Variants in NXN observed in about 807,000 individuals in gnomAD.
The protein encoded by NXN is nucleoredoxin 1.
A neutral mutation model predicts 48.6 loss-of-function variants in NXN; 16 were observed. The ratio of observed to expected loss-of-function variants is 0.33; its 90% CI spans 0.22 to 0.50. The LOEUF is 0.50. Among genes scored for constraint, NXN ranks in the 20% least tolerant of loss-of-function variants. The pLI is 0.98. For synonymous variants in NXN, 281 were observed against 269.6 expected (o/e 1.04, Z -0.41); for missense variants, 492 against 605.5 (o/e 0.81, Z 1.97).
intron 1 of NXN, among the ~76,000 whole-genome samples, chr17:963,080 G>C (rs2069256355): frequency 6.6e-6 from 1 of 151,826 alleles, no homozygotes; most frequent in Non-Finnish European, 1.5e-5. Flanking sequence ...TATCAGACAG[G>C]CACACACTGA....
chr17:812,860 AGGTGTGTGTG>A (rs754646698), intron 5 of NXN, among the ~76,000 whole-genome samples: 27 of 120,266 alleles, frequency 2.2e-4, no homozygotes, highest in African/African-American at 5.5e-4. Flanking sequence ...GCATGTGTGT[AGGTGTGTGTG>A]GGTGTGTGCG....
intron 1 of NXN, among the ~76,000 whole-genome samples, chr17:863,485 G>T (rs940904454): frequency 3.3e-5 from 5 of 151,918 alleles, no homozygotes; most frequent in African/African-American, 1.2e-4. Flanking sequence ...TTTTGAGACA[G>T]GGTCTCGCTC....
intron 1 of NXN, among the ~76,000 whole-genome samples, chr17:895,713 G>A (rs553840548): frequency 1.3e-5 from 2 of 150,918 alleles, no homozygotes; most frequent in African/African-American, 4.9e-5. Context: ...AGCTACTCGG[G>A]AGGCTGAGGC....
intron 5 of NXN, among the ~76,000 whole-genome samples, chr17:809,313 C>T (rs964094627): frequency 2.0e-5 from 3 of 152,216 alleles, no homozygotes; most frequent in Non-Finnish European, 4.4e-5. Flanking sequence ...CCCCTTTCAC[C>T]GTCTCCCTCA....
At chr17:889,761 A>AAGAGAAAGAAAGAAAG (rs1555619043) in intron 1 of NXN, among the ~76,000 whole-genome samples, 7 of 70,826 alleles carry the variant, frequency 9.9e-5, no homozygotes, top group African/African-American at 4.5e-4. Context: ...GAAAGAAAGA[A>AAGAGAAAGAAAGAAAG]AAAGAAAGAA....
At chr17:858,001 G>A (rs1348366006) in intron 1 of NXN, among the ~76,000 whole-genome samples, 23 of 141,600 alleles carry the variant, frequency 1.6e-4, no homozygotes, top group Middle Eastern at 3.9e-3. Context: ...ATGGGGTCTC[G>A]CTCTGTCGCC....
intron 5 of NXN, among the ~76,000 whole-genome samples, chr17:816,057 G>A (rs905693746): frequency 6.6e-6 from 1 of 152,198 alleles, no homozygotes; most frequent in Non-Finnish European, 1.5e-5. Flanking sequence ...GCCATCAGGA[G>A]GGGCAGGACA....
intron 1 of NXN, among the ~76,000 whole-genome samples, chr17:966,791 G>A (rs934345150): frequency 2.8e-5 from 4 of 141,234 alleles, no homozygotes; most frequent in African/African-American, 1.1e-4. Context: ...GCATTCAGGT[G>A]GGGGGATGAC....
chr17:810,090 C>A (rs1353734877), intron 5 of NXN, among the ~76,000 whole-genome samples: 3 of 59,444 alleles, frequency 5.0e-5, no homozygotes, highest in Non-Finnish European at 6.7e-5. Flanking sequence ...GTTACGAGTC[C>A]GTGTGAGTGG....
Position 842,454 on chromosome 17 carries a change from CG to C in NXN, c.361-16377del, listed in dbSNP as rs987398516. 3.2e-6 allele frequency: 3 copies of C among 935,400 alleles called. No individual in the cohort carries two copies. The African/African-American group carries it at 5.4e-5, about 17-fold the overall frequency. 57.9% of individuals were successfully genotyped at this position (935,400 alleles called of 1,614,324 possible). On this transcript the variant is annotated intron_variant, in intron 1 of 7. Transcript: ENST00000336868. Reference sequence around the variant, plus strand: ...GTGGGCTGCAGTTCCGTGATCCCGGCGGGGAAGGCCACGTGGGTTACTGGGG... The same window carrying C: ...GTGGGCTGCAGTTCCGTGATCCCGGCGGGAAGGCCACGTGGGTTACTGGGG...
rs180731136 is a variant in NXN at position 907,203 on chromosome 17, C to T, written c.360+72116G>A. On this transcript the variant is annotated intron_variant, in intron 1 of 7. Coordinates refer to ENST00000336868, the MANE Select transcript of NXN (RefSeq NM_022463.5). ...AACAAAGATGGAGAAAAACATCCCT[C>T]CTTGCCCGACCCAACCTATCTTGTT... is the stretch of plus-strand genomic sequence containing the variant. Among the ~76,000 whole-genome samples the T allele has an allele frequency of 2.4e-3, 364 of 152,288 alleles. 1 individual carries two copies. Among genetic ancestry groups the T allele is most frequent in the Middle Eastern group, 6.8e-3 (2 of 294 alleles).
chr17:969,842 T>C (rs1318142982), intron 1 of NXN, among the ~76,000 whole-genome samples: 8 of 152,132 alleles, frequency 5.3e-5, no homozygotes. Flanking sequence ...GAGAAAGCCC[T>C]ATCCCTAGGA....
chr17:895,748 G>A (rs1427494662), intron 1 of NXN, among the ~76,000 whole-genome samples: 1 of 146,414 alleles, frequency 6.8e-6, no homozygotes, highest in African/African-American at 2.6e-5. Flanking sequence ...AACCTGAGAG[G>A]CGGAGCTTGC....
chr17:825,898 TA>T lies in NXN; in HGVS notation c.478+62del. The T allele has an allele frequency of 9.4e-7, 1 of 1,060,438 alleles. No homozygotes were observed. Among genetic ancestry groups the T allele is most frequent in the Non-Finnish European group, 1.4e-6 (1 of 698,602 alleles). 65.7% of individuals were successfully genotyped at this position (1,060,438 alleles called of 1,614,324 possible). On this transcript the variant is annotated intron_variant, in intron 2 of 7. Transcript: ENST00000336868. The surrounding 1 kb of genome is among the most constrained non-coding windows in gnomAD (Gnocchi z 4.1). Reference sequence around the variant, plus strand: ...TCCACCGGTGGGACGGAGATTAGCCTAAGGGCATGGAGGAGGGAGGGCTGGG... The same window carrying T: ...TCCACCGGTGGGACGGAGATTAGCCTAGGGCATGGAGGAGGGAGGGCTGGG...
intron 1 of NXN, among the ~76,000 whole-genome samples, chr17:971,032 C>T (rs771734629): frequency 2.0e-5 from 3 of 151,196 alleles, no homozygotes; most frequent in Non-Finnish European, 2.9e-5. Flanking sequence ...ATGCAACCTC[C>T]GCCTCCAGGG....
At chr17:821,789 A>T (rs1225090405) in intron 4 of NXN, among the ~76,000 whole-genome samples, 1 of 152,022 alleles carries the variant, frequency 6.6e-6, no homozygotes, top group Non-Finnish European at 1.5e-5. Context: ...CATCCAAGAC[A>T]GGTGTCTGAT....
intron 1 of NXN, among the ~76,000 whole-genome samples, chr17:941,889 G>A (rs1361892067): frequency 1.8e-4 from 12 of 67,124 alleles, no homozygotes; most frequent in African/African-American, 8.4e-4. Flanking sequence ...AAGATTCCAG[G>A]GCGCAGCCAT....
chr17:809,256 G>A (rs1391495176), intron 5 of NXN, among the ~76,000 whole-genome samples: 1 of 152,218 alleles, frequency 6.6e-6, no homozygotes, highest in African/African-American at 2.4e-5. Flanking sequence ...CCTAGAGAGG[G>A]CGCAGCCCTG....
In NXN at chr17:829,848, C is replaced by T. The variant is rs1005573422; in HGVS notation, c.361-3770G>A. Among the ~76,000 whole-genome samples the T allele has an allele frequency of 4.6e-5, 7 of 152,182 alleles. No individual in the cohort carries two copies. The East Asian group carries it at 5.8e-4, about 13-fold the overall frequency. On this transcript the variant is annotated intron_variant, in intron 1 of 7. Transcript: ENST00000336868. ...AGTATTCCATGGTGTATATGTGCCA[C>T]ATTTTCTTTATCCAGTCTATCATTG... is the stretch of plus-strand genomic sequence containing the variant.
Sources: allele counts gnomAD v4.1 joint callset (sites outside exome capture counted in the v4.1 genomes callset), GRCh38; gene constraint gnomAD v4.1.1; non-coding constraint Gnocchi (gnomAD v3.1); transcripts MANE v1.5; gene names NCBI Gene and HGNC (gene_info 2026-07-23, HGNC 2026-07-21).